Variants in PPP1R16B observed in about 807,000 individuals in gnomAD.
PPP1R16B encodes the protein protein phosphatase 1 regulatory inhibitor subunit 16B.
In PPP1R16B, 14 loss-of-function variants were observed where a neutral mutation model predicts 61.7. The observed-to-expected ratio is 0.23, with a 90% confidence interval of 0.15 to 0.35. PPP1R16B has a LOEUF of 0.35. Ranked by LOEUF, PPP1R16B falls within the 10% of genes least tolerant of loss-of-function variation. The probability of loss-of-function intolerance (pLI) is 1.00; values close to 1 mark genes in which losing one functional copy is unlikely to be tolerated. For synonymous variants in PPP1R16B, 266 were observed against 305.3 expected, an observed-to-expected ratio of 0.87 and a Z score of 1.34; for missense variants, 547 against 752.5, an observed-to-expected ratio of 0.73 and a Z score of 3.19.
intron 1 of PPP1R16B, among the ~76,000 whole-genome samples, chr20:38,821,011 A>G (rs1203491631): frequency 6.8e-6 from 1 of 146,636 alleles, no homozygotes; most frequent in African/African-American, 2.6e-5. Flanking sequence ...ACTGTACTCC[A>G]GCCTGGGTGA....
At chr20:38,906,395 A>G (rs4810244) in intron 7 of PPP1R16B, among the ~76,000 whole-genome samples, 56,684 of 149,936 alleles carry the variant, frequency 0.38, 11,424 homozygotes, top group Middle Eastern at 0.53. Flanking sequence ...CTGGGTTCAA[A>G]CAATTCTCCT....
Position 38,907,640 on chromosome 20 carries a change from ACACT to A in PPP1R16B, c.899-159_899-156del, listed in dbSNP as rs1272043842. Among the ~76,000 whole-genome samples, 1 of 152,134 alleles carries A rather than the reference ACACT, an allele frequency of 6.6e-6. No homozygotes were observed. Among genetic ancestry groups the A allele is most frequent in the Non-Finnish European group, 1.5e-5 (1 of 68,016 alleles). On this transcript the variant is annotated intron_variant, in intron 8 of 10. Transcript: ENST00000299824. This position sits in a 1 kb window ranked among gnomAD's most constrained non-coding sequence, Gnocchi z 4.5. ...CCATTCTTATAATCCTCTTATAAAC[ACACT>A]CACTCAACTTTGGCTGGCATTGTTT...
intron 1 of PPP1R16B, among the ~76,000 whole-genome samples, chr20:38,830,419 C>T (rs1224532363): frequency 5.3e-5 from 8 of 152,220 alleles, no homozygotes; most frequent in Non-Finnish European, 8.8e-5. Flanking sequence ...CAACACTAAA[C>T]GCCATTGTCA....
chr20:38,855,819 C>T (rs1186947951), intron 2 of PPP1R16B, among the ~76,000 whole-genome samples: 1 of 150,304 alleles, frequency 6.7e-6, no homozygotes, highest in Non-Finnish European at 1.5e-5. Context: ...CCACTCCCTG[C>T]AGCCCAGACT....
intron 7 of PPP1R16B, among the ~76,000 whole-genome samples, 166 bp from the exon 8 acceptor site, chr20:38,906,813 C>T (rs569623518): frequency 6.6e-6 from 1 of 152,284 alleles, no homozygotes; most frequent in South Asian, 2.1e-4. Flanking sequence ...CTCATTGCAT[C>T]TGTCTGGATT....
chr20:38,854,909 T>A (rs2084994202), intron 2 of PPP1R16B, among the ~76,000 whole-genome samples: 1 of 152,242 alleles, frequency 6.6e-6, no homozygotes, highest in African/African-American at 2.4e-5. Flanking sequence ...CCATTTTCTC[T>A]ATCTCTGTTT....
At chr20:38,864,604 G>C (rs208815) in intron 2 of PPP1R16B, among the ~76,000 whole-genome samples, 82,997 of 151,952 alleles carry the variant, frequency 0.55, 23,019 homozygotes, top group South Asian at 0.73. Context: ...TGGTGGTTTA[G>C]AACTGAACCG....
intron 1 of PPP1R16B, among the ~76,000 whole-genome samples, chr20:38,809,709 G>C (rs1601225979): frequency 6.6e-6 from 1 of 152,128 alleles, no homozygotes; most frequent in Non-Finnish European, 1.5e-5. Flanking sequence ...ACCAGGTGCG[G>C]TGGCTCATGC....
intron 10 of PPP1R16B, among the ~76,000 whole-genome samples, chr20:38,913,185 G>A (rs1329901497): frequency 6.6e-6 from 1 of 151,982 alleles, no homozygotes; most frequent in Non-Finnish European, 1.5e-5. Context: ...TTAATCTGAT[G>A]TTTAAGTAGC....
intron 1 of PPP1R16B, among the ~76,000 whole-genome samples, chr20:38,812,710 G>T (rs548964970): frequency 1.3e-5 from 2 of 152,286 alleles, no homozygotes; most frequent in African/African-American, 4.8e-5. Context: ...GGAGCCTTAG[G>T]CTGGCTGCTA....
chr20:38,870,112 T>TG (rs1276575446), intron 2 of PPP1R16B, among the ~76,000 whole-genome samples: 15 of 151,992 alleles, frequency 9.9e-5, no homozygotes, highest in African/African-American at 3.4e-4. Flanking sequence ...TTAGTAGAGA[T>TG]GGGGTCTCAC....
intron 1 of PPP1R16B, among the ~76,000 whole-genome samples, chr20:38,810,940 C>G (rs2084696851): frequency 6.6e-6 from 1 of 152,180 alleles, no homozygotes; most frequent in Admixed American, 6.5e-5. Flanking sequence ...TGCAGAATAT[C>G]TGGCCTCTTT....
chr20:38,845,775 A>G (rs1354530288), intron 2 of PPP1R16B, among the ~76,000 whole-genome samples: 1 of 152,216 alleles, frequency 6.6e-6, no homozygotes, highest in Non-Finnish European at 1.5e-5. Context: ...ATGAAAAGCC[A>G]CTGGTGGTTT....
intron 2 of PPP1R16B, among the ~76,000 whole-genome samples, chr20:38,840,054 G>C (rs1842747813): frequency 6.6e-6 from 1 of 152,236 alleles, no homozygotes. Context: ...CAGGCTCGTG[G>C]GTTGGTTTTA....
intron 2 of PPP1R16B, among the ~76,000 whole-genome samples, chr20:38,849,685 CA>C (rs112050000): frequency 0.064 from 4,627 of 72,110 alleles, 147 homozygotes; most frequent in African/African-American, 0.16. Flanking sequence ...ACAACAACAA[CA>C]AAAAAAAAAC....
chr20:38,917,988 G>A (rs963836975), intron 10 of PPP1R16B, among the ~76,000 whole-genome samples, 169 bp from the exon 11 acceptor site: 1 of 152,168 alleles, frequency 6.6e-6, no homozygotes, highest in South Asian at 2.1e-4. Flanking sequence ...TCAACTGTAC[G>A]GAAATTCATA....
At chr20:38,888,902 C>CACACACACACAA (rs1170663263) in intron 2 of PPP1R16B, among the ~76,000 whole-genome samples, 1 of 151,250 alleles carries the variant, frequency 6.6e-6, no homozygotes, top group Non-Finnish European at 1.5e-5. Flanking sequence ...CACACACACA[C>CACACACACACAA]ACACACACAC....
intron 1 of PPP1R16B, among the ~76,000 whole-genome samples, chr20:38,809,675 C>G (rs1568648940): frequency 1.3e-5 from 2 of 152,090 alleles, no homozygotes; most frequent in African/African-American, 4.8e-5. Context: ...AAGTGAGACA[C>G]TGTGGATAAA....
At chr20:38,903,900 C>T (rs2085418783) in intron 6 of PPP1R16B, among the ~76,000 whole-genome samples, 1 of 152,180 alleles carries the variant, frequency 6.6e-6, no homozygotes, top group Admixed American at 6.5e-5. Context: ...GGCAGCCTAC[C>T]CCACTGACTG....
Sources: gnomAD v4.1 joint callset for allele counts (sites outside exome capture counted in the v4.1 genomes callset) on GRCh38, gnomAD v4.1.1 for gene constraint, Gnocchi (gnomAD v3.1) non-coding constraint, MANE v1.5 for transcripts, NCBI Gene and HGNC (gene_info 2026-07-23, HGNC 2026-07-21) for gene names.